Variants in IWS1 observed in about 807,000 individuals in gnomAD.
The protein encoded by IWS1 is protein IWS1 homolog.
Under a neutral mutation model 86.7 loss-of-function variants are expected in IWS1, and 27 were observed. The ratio of observed to expected loss-of-function variants is 0.31; its 90% CI spans 0.23 to 0.43. The LOEUF (loss-of-function observed/expected upper bound fraction) is 0.43. Among genes scored for constraint, IWS1 ranks in the 20% least tolerant of loss-of-function variants. The pLI, the probability that IWS1 is intolerant of heterozygous loss-of-function variation, is 1.00. For synonymous variants in IWS1, 313 were observed against 335.1 expected, an observed-to-expected ratio of 0.93 and a Z score of 0.72; for missense variants, 827 against 1,000.8, an observed-to-expected ratio of 0.83 and a Z score of 2.34.
At chr2:127,511,459 T>C (rs1691450203) in intron 2 of IWS1, 1 of 152,230 alleles carries the variant, frequency 6.6e-6, no homozygotes, top group African/African-American at 2.4e-5. Flanking sequence ...TCATTAATTA[T>C]TAATTACAAA....
At chr2:127,509,313 G>GA (rs1353680249) in intron 2 of IWS1, among the ~76,000 whole-genome samples, 1 of 152,138 alleles carries the variant, frequency 6.6e-6, no homozygotes, top group Non-Finnish European at 1.5e-5. Context: ...ACCAACAGTT[G>GA]AAACTGACAT....
At chr2:127,493,686 G>GT (rs1421637755) in intron 8 of IWS1, among the ~76,000 whole-genome samples, 1 of 151,228 alleles carries the variant, frequency 6.6e-6, no homozygotes, top group East Asian at 1.9e-4. Flanking sequence ...GGTACAGACA[G>GT]TAAGAACAAT....
rs1689591055 is a variant in IWS1, at chr2:127,480,913, G to A, written c.*131C>T. ...TTAAATATAACTGAGAGAAATGTGAGTCCTATGACAACATCTGATACACGC... is the reference window on the plus strand; with the variant it reads ...TTAAATATAACTGAGAGAAATGTGAATCCTATGACAACATCTGATACACGC... On this transcript the variant is annotated 3_prime_UTR_variant, in exon 14 of 14. Transcript: ENST00000295321. 5 of 940,146 alleles carry A rather than the reference G, an allele frequency of 5.3e-6. No individual in the cohort carries two copies. Among genetic ancestry groups the A allele is most frequent in the Non-Finnish European group, 7.9e-6 (5 of 635,472 alleles). 58.2% of individuals were successfully genotyped at this position (940,146 alleles called of 1,614,324 possible). A position where few individuals can be genotyped will look rare whatever the true frequency, so the allele number is the denominator to read the frequency against.
chr2:127,500,367 T>C (rs1167267295), intron 5 of IWS1, among the ~76,000 whole-genome samples: 1 of 152,210 alleles, frequency 6.6e-6, no homozygotes, highest in African/African-American at 2.4e-5. Flanking sequence ...TGTCCATTTC[T>C]CTTTTCAGTT....
intron 2 of IWS1, among the ~76,000 whole-genome samples, chr2:127,522,080 CTGAG>C (rs1210577144): frequency 6.6e-6 from 1 of 152,068 alleles, no homozygotes; most frequent in African/African-American, 2.4e-5. Flanking sequence ...CAGAAAAAAC[CTGAG>C]TGACATCAAA....
chr2:127,481,875 A>G (rs1235992751), intron 13 of IWS1, among the ~76,000 whole-genome samples: 1 of 152,188 alleles, frequency 6.6e-6, no homozygotes, highest in Non-Finnish European at 1.5e-5. Flanking sequence ...CTATTTTACT[A>G]CTTCACAAGC....
Position 127,521,698 on chromosome 2 carries a change from G to A in IWS1, c.150+1978C>T, listed in dbSNP as rs796952628. On this transcript the variant is annotated intron_variant, in intron 2 of 13. Transcript: ENST00000295321. ...GTGAAAAAACAGAACGGTTGTATGG[G>A]TACTCAAAGTATACATACAGCACTT... 5.3e-5 allele frequency among the ~76,000 whole-genome samples: 8 copies of A among 152,258 alleles called. No homozygotes were observed. In the East Asian group the frequency reaches 1.4e-3, roughly 26 times the overall value.
At chr2:127,525,395 G>A (rs1692346070) in intron 1 of IWS1, among the ~76,000 whole-genome samples, 2 of 152,170 alleles carry the variant, frequency 1.3e-5, no homozygotes, top group South Asian at 4.1e-4. Flanking sequence ...AAGCACTCAA[G>A]TTTTCTTTTT....
rs1486918896 is a variant in IWS1, at chr2:127,499,283, G to T, written c.1468-1046C>A. Among the ~76,000 whole-genome samples, 1 of 151,904 alleles carries T rather than the reference G, an allele frequency of 6.6e-6. No homozygotes were observed. The highest frequency in any genetic ancestry group is 1.5e-5 in the Non-Finnish European group (1 of 67,956). Reference sequence around the variant, plus strand: ...TTTTTCGTATTTTTAGTAGAGATGGGGTTTCACCACGTTAGCCAGGATGGT... The same window carrying T: ...TTTTTCGTATTTTTAGTAGAGATGGTGTTTCACCACGTTAGCCAGGATGGT... On this transcript the variant is annotated intron_variant, in intron 5 of 13. Transcript: ENST00000295321. This position sits in a 1 kb window ranked among gnomAD's most constrained non-coding sequence, Gnocchi z 4.0.
intron 6 of IWS1, among the ~76,000 whole-genome samples, chr2:127,496,992 G>A (rs1301248306): frequency 2.6e-5 from 4 of 152,190 alleles, no homozygotes; most frequent in South Asian, 2.1e-4. Flanking sequence ...CCCTAGGTGC[G>A]ATAGGTTTTA....
At position 127,503,540 on chromosome 2, in the gene IWS1, T is replaced by A. The variant is rs762833195; in HGVS notation, c.1256A>T (p.Asp419Val). 6.2e-7 allele frequency: 1 copy of A among 1,609,964 alleles called. No homozygotes were observed. Among genetic ancestry groups the A allele is most frequent in the Non-Finnish European group, 8.5e-7 (1 of 1,177,944 alleles). Residue 419 changes from aspartate (D) to valine (V), a missense_variant, in exon 4 of 14, where the codon GAC becomes GTC. This residue lies in a region of IWS1 where 548 missense variants were observed against 560.2 expected (regional missense o/e 0.98). Coordinates refer to ENST00000295321, the MANE Select transcript of IWS1 (RefSeq NM_017969.3). ...GTCTGATACAGCATCACTGTCAGAGTCATCTGCATCAGAGACAACACGACT... is the reference window on the plus strand; with the variant it reads ...GTCTGATACAGCATCACTGTCAGAGACATCTGCATCAGAGACAACACGACT... ...KKSRVVSDAD[D>V]SDSDAVSDKS...
intron 5 of IWS1, among the ~76,000 whole-genome samples, chr2:127,501,088 T>A (rs1690777473): frequency 6.6e-6 from 1 of 152,232 alleles, no homozygotes; most frequent in African/African-American, 2.4e-5. Flanking sequence ...CTTATACACA[T>A]ACTTTTGTTG....
chr2:127,494,821 T>C, intron 8 of IWS1, 51 bp downstream of exon 8: 1 of 1,052,020 alleles, frequency 9.5e-7, no homozygotes, highest in Non-Finnish European at 1.4e-6. Flanking sequence ...TCATTTGAAT[T>C]ATCATTCCAT....
chr2:127,524,053 C>G (rs1351268381), intron 1 of IWS1, among the ~76,000 whole-genome samples: 2 of 152,208 alleles, frequency 1.3e-5, no homozygotes, highest in Non-Finnish European at 2.9e-5. Flanking sequence ...AACACCAAGT[C>G]AACAATTTAT....
In IWS1 at chr2:127,526,424, G is replaced by A. The variant is rs752320937; in HGVS notation, c.-216C>T. 1.0e-3 allele frequency: 1,601 copies of A among 1,535,706 alleles called. 5 individuals carry two copies. The highest frequency in any genetic ancestry group is 1.2e-3 in the Admixed American group (61 of 50,852). ...AAAAGGCCGTACCCGGCAGGCTGGCGGGCGGGCAGGCATGCGAGCCGGCGT... is the reference window on the plus strand; with the variant it reads ...AAAAGGCCGTACCCGGCAGGCTGGCAGGCGGGCAGGCATGCGAGCCGGCGT... On this transcript the variant is annotated 5_prime_UTR_variant, in exon 1 of 14. Coordinates refer to ENST00000295321, the MANE Select transcript of IWS1 (RefSeq NM_017969.3).
intron 9 of IWS1, chr2:127,493,027 C>T: frequency 3.9e-6 from 1 of 257,978 alleles, no homozygotes; most frequent in Non-Finnish European, 7.3e-6. Context: ...GGAACTTGCC[C>T]ACTACTGTAC....
chr2:127,515,898 C>G (rs1375408959), intron 2 of IWS1, among the ~76,000 whole-genome samples: 1 of 152,120 alleles, frequency 6.6e-6, no homozygotes, highest in Admixed American at 6.5e-5. Flanking sequence ...ATCTCTCATC[C>G]GGCTCCCCAG....
At chr2:127,506,701 G>A (rs370259650) in intron 2 of IWS1, 6 of 168,708 alleles carry the variant, frequency 3.6e-5, no homozygotes, top group South Asian at 4.1e-4. Flanking sequence ...CAGTAGTCAC[G>A]GTCCTGTGTC....
intron 8 of IWS1, among the ~76,000 whole-genome samples, 157 bp from the exon 9 acceptor site, chr2:127,493,567 G>T (rs1690345781): frequency 6.6e-6 from 1 of 152,158 alleles, no homozygotes; most frequent in Non-Finnish European, 1.5e-5. Flanking sequence ...TTCGAAAGCA[G>T]TATGACATTT....
Sources: allele counts gnomAD v4.1 joint callset (sites outside exome capture counted in the v4.1 genomes callset), GRCh38; gene constraint gnomAD v4.1.1; regional missense constraint gnomAD v4.1.1; non-coding constraint Gnocchi (gnomAD v3.1); transcripts MANE v1.5; gene names NCBI Gene and HGNC (gene_info 2026-07-23, HGNC 2026-07-21).